The following ASS1 variants were observed in gnomAD, a reference collection of about 807,000 sequenced individuals.
ASS1 encodes the protein argininosuccinate synthase.
Under a neutral mutation model 60.5 loss-of-function variants are expected in ASS1, and 58 were observed. The ratio of observed to expected loss-of-function variants is 0.96; its 90% CI spans 0.78 to 1.19. The LOEUF (loss-of-function observed/expected upper bound fraction) is 1.19, where lower values mean the gene tolerates loss of function less well. ASS1 is among the 50% of genes most tolerant of loss of function. The pLI, the probability that ASS1 is intolerant of heterozygous loss-of-function variation, is 0.00. For synonymous variants in ASS1, 200 were observed against 206.9 expected (o/e 0.97, Z 0.29); for missense variants, 454 against 547.3 (o/e 0.83, Z 1.70).
chr9:130,450,046 A>C (rs562462987), intron 1 of ASS1, among the ~76,000 whole-genome samples: 1 of 152,232 alleles, frequency 6.6e-6, no homozygotes, highest in Admixed American at 6.5e-5. Context: ...CAACCACACC[A>C]CCCGCGCCAT....
At position 130,464,266 on chromosome 9, in the gene ASS1, C is replaced by T; in HGVS notation, c.420+99C>T. ...TCTGGGAGATTCCACAGGACAGGCA[C>T]AGAATCTCCTCCGTGGCAGGGGTGC... On this transcript the variant is annotated intron_variant, in intron 5 of 14. Coordinates refer to ENST00000352480, the MANE Select transcript of ASS1 (RefSeq NM_054012.4). The T allele has an allele frequency of 3.5e-6, 5 of 1,436,792 alleles. No homozygotes were observed. In the South Asian group the frequency reaches 4.6e-5, roughly 13 times the overall value. 89.0% of individuals were successfully genotyped at this position (1,436,792 alleles called of 1,614,324 possible).
chr9:130,445,169 G>T, intron 1 of ASS1, 174 bp downstream of exon 1: 1 of 985,440 alleles, frequency 1.0e-6, no homozygotes, highest in Non-Finnish European at 1.2e-6. Context: ...AGGGGCTCCC[G>T]ATGCTCAAAC....
intron 8 of ASS1, among the ~76,000 whole-genome samples, chr9:130,474,468 G>C (rs13301636): frequency 6.6e-6 from 1 of 152,216 alleles, no homozygotes; most frequent in Non-Finnish European, 1.5e-5. Context: ...GCCCAGCGCA[G>C]GTGGAGGTGG....
At position 130,489,205 on chromosome 9, in the gene ASS1, G is replaced by T. The variant is rs1475569078; in HGVS notation, c.839-128G>T. 9 of 1,336,260 alleles carry T rather than the reference G, an allele frequency of 6.7e-6. No individual in the cohort carries two copies. The African/African-American group carries it at 1.2e-4, about 17-fold the overall frequency. 82.8% of individuals were successfully genotyped at this position (1,336,260 alleles called of 1,614,324 possible). ...CAGCAAGCTGGGAGTGAATGGGTCC[G>T]GCCGGCTTGTCTCCTGTCAGACGAC... On this transcript the variant is annotated intron_variant, in intron 11 of 14. Transcript: ENST00000352480. The surrounding 1 kb of genome is among the most constrained non-coding windows in gnomAD (Gnocchi z 4.1).
intron 2 of ASS1, among the ~76,000 whole-genome samples, chr9:130,453,629 G>A (rs750135210): frequency 2.0e-5 from 3 of 152,352 alleles, no homozygotes; most frequent in East Asian, 3.9e-4. Context: ...AAAGCTGAAT[G>A]TGATTCAGAT....
chr9:130,483,050 G>A (rs2118848659), intron 11 of ASS1, among the ~76,000 whole-genome samples: 1 of 152,252 alleles, frequency 6.6e-6, no homozygotes, highest in East Asian at 1.9e-4. Context: ...TTTGGGTTGG[G>A]GAGAGAAGAC....
intron 1 of ASS1, among the ~76,000 whole-genome samples, chr9:130,448,980 A>G (rs1480225274): frequency 2.0e-5 from 3 of 152,220 alleles, no homozygotes; most frequent in Non-Finnish European, 4.4e-5. Flanking sequence ...TGCCACAGGC[A>G]TCTGGGAGAT....
At chr9:130,483,799 C>CCTTTCCTCCTCCCTCTCTCT (rs1846231654) in intron 11 of ASS1, among the ~76,000 whole-genome samples, 1 of 151,832 alleles carries the variant, frequency 6.6e-6, no homozygotes, top group Non-Finnish European at 1.5e-5. Flanking sequence ...TCCCTCTCTC[C>CCTTTCCTCCTCCCTCTCTCT]CTTTCCTCCT....
intron 1 of ASS1, among the ~76,000 whole-genome samples, chr9:130,445,690 C>T (rs1276457504): frequency 6.6e-6 from 1 of 152,158 alleles, no homozygotes; most frequent in Non-Finnish European, 1.5e-5. Flanking sequence ...TGCCTTTGGC[C>T]CCTGGGCGGC....
chr9:130,445,042 C>A, intron 1 of ASS1, 47 bp downstream of exon 1: 1 of 598,764 alleles, frequency 1.7e-6, no homozygotes, highest in Non-Finnish European at 2.1e-6. Flanking sequence ...TAGCCGAGAG[C>A]ACCCGCTTCC....
chr9:130,493,595 G>A (rs1846505776), intron 12 of ASS1, among the ~76,000 whole-genome samples: 1 of 152,180 alleles, frequency 6.6e-6, no homozygotes, highest in African/African-American at 2.4e-5. Context: ...AGGGGCCTGG[G>A]CCTCCCACAA....
intron 1 of ASS1, chr9:130,451,934 G>A (rs372695376): frequency 5.3e-5 from 31 of 580,844 alleles, no homozygotes; most frequent in Middle Eastern, 2.6e-4. Context: ...GCCTTCCCTC[G>A]ATGCTGGAGG....
At chr9:130,498,711 G>C (rs565511485) in intron 13 of ASS1, among the ~76,000 whole-genome samples, 2 of 152,174 alleles carry the variant, frequency 1.3e-5, no homozygotes, top group African/African-American at 4.8e-5. Context: ...CTGAGGCTCC[G>C]AGTGCAGGAA....
chr9:130,463,536 T>C (rs2131879203), intron 4 of ASS1, among the ~76,000 whole-genome samples: 1 of 152,280 alleles, frequency 6.6e-6, no homozygotes, highest in African/African-American at 2.4e-5. Context: ...TTTCCCTTCC[T>C]GGGCCTCAGT....
At position 130,461,922 on chromosome 9, in the gene ASS1, C is replaced by T. The variant is rs182606453; in HGVS notation, c.364-2189C>T. On this transcript the variant is annotated intron_variant, in intron 4 of 14. Coordinates refer to ENST00000352480, the MANE Select transcript of ASS1 (RefSeq NM_054012.4). ...TGACAGTGAAATGTTGGGGGGACAA[C>T]GGATTGGCCTGGGATGTGAGGGGGA... is the stretch of plus-strand genomic sequence containing the variant. Among the ~76,000 whole-genome samples, 55 of 152,278 alleles carry T rather than the reference C, an allele frequency of 3.6e-4. No individual in the cohort carries two copies. The East Asian group carries it at 0.011, about 29-fold the overall frequency.
chr9:130,469,086 CAG>C (rs1399208739), intron 6 of ASS1, among the ~76,000 whole-genome samples: 2 of 152,236 alleles, frequency 1.3e-5, no homozygotes, highest in Non-Finnish European at 2.9e-5. Context: ...CGCCCAAAAA[CAG>C]AGGCTCCACG....
chr9:130,476,593 C>T lies in ASS1; in HGVS notation c.598-278C>T, dbSNP rs1202451863. ...ACTTTTTCCTGCCTGACTTGTTCCT[C>T]TCCAGCTATTCTACCTCCAGCTGTG... On this transcript the variant is annotated intron_variant, in intron 8 of 14. Transcript: ENST00000352480. This position sits in a 1 kb window ranked among gnomAD's most constrained non-coding sequence, Gnocchi z 4.9. 4 of 556,724 alleles carry T rather than the reference C, an allele frequency of 7.2e-6. No homozygotes were observed. The highest frequency in any genetic ancestry group is 1.3e-5 in the Non-Finnish European group (4 of 308,852). 34.5% of individuals were successfully genotyped at this position (556,724 alleles called of 1,614,324 possible).
In ASS1 at chr9:130,452,347, C is replaced by T. The variant is rs750278093; in HGVS notation, c.105+14C>T. ...ATTGCCTATCTGGTGAGGGAGCGACCTGGGTGTCTGTCTTCCTGCGTGTCC... is the reference window on the plus strand; with the variant it reads ...ATTGCCTATCTGGTGAGGGAGCGACTTGGGTGTCTGTCTTCCTGCGTGTCC... On this transcript the variant is annotated intron_variant, in intron 2 of 14. Coordinates refer to ENST00000352480, the MANE Select transcript of ASS1 (RefSeq NM_054012.4). The T allele has an allele frequency of 5.0e-6, 8 of 1,607,518 alleles. No homozygotes were observed. The Admixed American group carries it at 6.7e-5, about 13-fold the overall frequency.
At chr9:130,463,983 G>T in intron 4 of ASS1, 128 bp from the exon 5 acceptor site, 1 of 944,000 alleles carries the variant, frequency 1.1e-6, no homozygotes, top group South Asian at 1.4e-5. Flanking sequence ...TACACTGCAT[G>T]ACCTCACATG....
Sources: allele counts gnomAD v4.1 joint callset (sites outside exome capture counted in the v4.1 genomes callset), GRCh38; gene constraint gnomAD v4.1.1; non-coding constraint Gnocchi (gnomAD v3.1); transcripts MANE v1.5; gene names NCBI Gene and HGNC (gene_info 2026-07-23, HGNC 2026-07-21).